The following MCCC2 variants were observed in gnomAD, a reference collection of about 807,000 sequenced individuals.
MCCC2 encodes the protein methylcrotonoyl-CoA carboxylase beta chain, mitochondrial.
A neutral mutation model predicts 77.2 loss-of-function variants in MCCC2; 52 were observed. That is an observed-to-expected ratio of 0.67 (90% CI 0.54 to 0.85). MCCC2 has a LOEUF of 0.85. Among genes scored for constraint, MCCC2 ranks in the 40% least tolerant of loss-of-function variants. The probability of loss-of-function intolerance (pLI) is 0.00; values close to 1 mark genes in which losing one functional copy is unlikely to be tolerated. For missense variants in MCCC2, 682 were observed against 703.2 expected, an observed-to-expected ratio of 0.97 and a Z score of 0.34; for synonymous variants, 253 against 248.4, an observed-to-expected ratio of 1.02 and a Z score of -0.18.
chr5:71,618,362 C>T (rs572906309), intron 6 of MCCC2, among the ~76,000 whole-genome samples: 19 of 152,336 alleles, frequency 1.2e-4, no homozygotes, highest in Admixed American at 1.0e-3. Context: ...CTTGCCCTCC[C>T]ACCTTCTGCT....
chr5:71,646,576 G>C (rs905232908), intron 13 of MCCC2, among the ~76,000 whole-genome samples: 1 of 152,148 alleles, frequency 6.6e-6, no homozygotes, highest in Non-Finnish European at 1.5e-5. Context: ...ATGTTGCCCA[G>C]ACTGGCCTCA....
intron 6 of MCCC2, among the ~76,000 whole-genome samples, chr5:71,611,377 G>A (rs1458247966): frequency 6.6e-6 from 1 of 152,200 alleles, no homozygotes; most frequent in African/African-American, 2.4e-5. Flanking sequence ...ACTCCAGCCT[G>A]AGAAACAGAA....
intron 5 of MCCC2, among the ~76,000 whole-genome samples, chr5:71,603,923 C>A (rs564775780): frequency 6.6e-6 from 1 of 152,142 alleles, no homozygotes; most frequent in Non-Finnish European, 1.5e-5. Context: ...CTGCTTTGAA[C>A]GCAACTGACC....
chr5:71,631,974 A>C (rs772234424), intron 7 of MCCC2, 147 bp from the exon 8 acceptor site: 13 of 759,108 alleles, frequency 1.7e-5, no homozygotes, highest in Non-Finnish European at 1.2e-5. Flanking sequence ...CAGGTTTCCT[A>C]GGTGCATGAA....
At chr5:71,606,074 A>T (rs1745664914) in intron 6 of MCCC2, among the ~76,000 whole-genome samples, 1 of 152,108 alleles carries the variant, frequency 6.6e-6, no homozygotes, top group Admixed American at 6.5e-5. Flanking sequence ...TTTTGGTTCC[A>T]TGTGAACTTT....
chr5:71,609,876 G>GGGA (rs1745849120), intron 6 of MCCC2, among the ~76,000 whole-genome samples: 1 of 152,038 alleles, frequency 6.6e-6, no homozygotes, highest in Non-Finnish European at 1.5e-5. Flanking sequence ...CAGTTAGGCT[G>GGGA]CTCGGGGGTC....
intron 6 of MCCC2, among the ~76,000 whole-genome samples, chr5:71,624,521 G>A (rs1746470717): frequency 6.6e-6 from 1 of 151,674 alleles, no homozygotes; most frequent in African/African-American, 2.4e-5. Context: ...GCGATTACAG[G>A]CATGCACCAC....
intron 13 of MCCC2, among the ~76,000 whole-genome samples, chr5:71,647,667 T>C (rs1249218957): frequency 6.6e-6 from 1 of 152,144 alleles, no homozygotes; most frequent in African/African-American, 2.4e-5. Flanking sequence ...AGAGGTGTTT[T>C]AGGTAGAGAT....
Position 71,620,445 on chromosome 5 carries a change from A to G in MCCC2, c.625-6195A>G, listed in dbSNP as rs77032599. ...TGGACCTTTTTTCTCCCTCCAAGTTATATTACATTTATCACAGCATTTCTA... is the reference window on the plus strand; with the variant it reads ...TGGACCTTTTTTCTCCCTCCAAGTTGTATTACATTTATCACAGCATTTCTA... On this transcript the variant is annotated intron_variant, in intron 6 of 16. Transcript: ENST00000340941. 4.6e-3 allele frequency among the ~76,000 whole-genome samples: 693 copies of G among 152,268 alleles called. 23 individuals carry two copies. The East Asian group carries it at 0.088, about 19-fold the overall frequency.
At chr5:71,590,722 C>T (rs1744940024) in intron 1 of MCCC2, among the ~76,000 whole-genome samples, 1 of 151,540 alleles carries the variant, frequency 6.6e-6, no homozygotes, top group Non-Finnish European at 1.5e-5. Context: ...GAGTGTGAGG[C>T]AGGAGAGTCG....
At chr5:71,647,254 A>G (rs1008207618) in intron 13 of MCCC2, among the ~76,000 whole-genome samples, 3 of 152,200 alleles carry the variant, frequency 2.0e-5, no homozygotes, top group East Asian at 1.9e-4. Flanking sequence ...TTGAGAAGGA[A>G]GAGTCAGGCT....
chr5:71,646,999 C>T (rs753528118), intron 13 of MCCC2, among the ~76,000 whole-genome samples: 11 of 152,176 alleles, frequency 7.2e-5, no homozygotes, highest in Non-Finnish European at 1.6e-4. Flanking sequence ...AGATATGTCA[C>T]CTCTCTGGAC....
At chr5:71,639,983 G>A (rs1747068518) in intron 10 of MCCC2, among the ~76,000 whole-genome samples, 1 of 152,202 alleles carries the variant, frequency 6.6e-6, no homozygotes. Flanking sequence ...GACAGAAAAA[G>A]CGAAGTGCAA....
intron 12 of MCCC2, among the ~76,000 whole-genome samples, chr5:71,645,715 C>G (rs1747255820): frequency 6.6e-6 from 1 of 152,118 alleles, no homozygotes; most frequent in Admixed American, 6.6e-5. Flanking sequence ...GTTTCACTTG[C>G]TGTTTACAGT....
At chr5:71,612,349 A>G (rs1223713675) in intron 6 of MCCC2, among the ~76,000 whole-genome samples, 6 of 152,124 alleles carry the variant, frequency 3.9e-5, no homozygotes, top group Admixed American at 1.3e-4. Flanking sequence ...TGATTTTTCT[A>G]TCAACATAGT....
chr5:71,642,568 G>C (rs982267083), intron 11 of MCCC2, among the ~76,000 whole-genome samples: 1 of 152,224 alleles, frequency 6.6e-6, no homozygotes, highest in African/African-American at 2.4e-5. Flanking sequence ...GTGGGGCCTA[G>C]TGTGGGTTGA....
chr5:71,598,229 C>G (rs1375183162), intron 3 of MCCC2, among the ~76,000 whole-genome samples: 2 of 151,470 alleles, frequency 1.3e-5, no homozygotes, highest in Admixed American at 6.6e-5. Context: ...CACCACCATG[C>G]CCAGCTAATT....
intron 6 of MCCC2, among the ~76,000 whole-genome samples, chr5:71,607,125 T>G (rs555528192): frequency 6.6e-6 from 1 of 152,104 alleles, no homozygotes; most frequent in Non-Finnish European, 1.5e-5. Flanking sequence ...CTTTTTCTAC[T>G]GATTGGAATA....
intron 10 of MCCC2, among the ~76,000 whole-genome samples, chr5:71,640,775 A>G (rs1177963147): frequency 1.3e-5 from 2 of 152,202 alleles, no homozygotes; most frequent in Admixed American, 1.3e-4. Flanking sequence ...CTTTTCTTGC[A>G]TGCAGCATGG....
Sources: allele counts gnomAD v4.1 joint callset (sites outside exome capture counted in the v4.1 genomes callset), GRCh38; gene constraint gnomAD v4.1.1; transcripts MANE v1.5; gene names NCBI Gene and HGNC (gene_info 2026-07-23, HGNC 2026-07-21).